Variants in LDLRAD4 observed in about 807,000 individuals in gnomAD.
LDLRAD4 encodes the protein low density lipoprotein receptor class A domain containing 4.
A neutral mutation model predicts 17.0 loss-of-function variants in LDLRAD4; 5 were observed. The ratio of observed to expected loss-of-function variants is 0.29; its 90% CI spans 0.15 to 0.62. The LOEUF (loss-of-function observed/expected upper bound fraction) is 0.62, where lower values mean the gene tolerates loss of function less well. Ranked by LOEUF, LDLRAD4 falls within the 20% of genes least tolerant of loss-of-function variation. The probability of loss-of-function intolerance (pLI) is 0.84; values close to 1 mark genes in which losing one functional copy is unlikely to be tolerated. For synonymous variants in LDLRAD4, 168 were observed against 171.8 expected, an observed-to-expected ratio of 0.98 and a Z score of 0.17; for missense variants, 340 against 424.7, an observed-to-expected ratio of 0.80 and a Z score of 1.75.
At chr18:13,292,669 G>A (rs78065606) in intron 1 of LDLRAD4, among the ~76,000 whole-genome samples, 9 of 152,336 alleles carry the variant, frequency 5.9e-5, no homozygotes, top group East Asian at 5.8e-4. Flanking sequence ...ACCATGAGGC[G>A]TGGAAAGATC....
chr18:13,512,946 T>C (rs1409037613), intron 3 of LDLRAD4, among the ~76,000 whole-genome samples: 2 of 152,228 alleles, frequency 1.3e-5, no homozygotes, highest in Non-Finnish European at 2.9e-5. Flanking sequence ...TCACTGCCTT[T>C]TGGACTTCGG....
intron 2 of LDLRAD4, among the ~76,000 whole-genome samples, chr18:13,433,623 C>T (rs2090477088): frequency 1.3e-5 from 2 of 152,160 alleles, no homozygotes; most frequent in South Asian, 2.1e-4. Flanking sequence ...GAGCATTTAT[C>T]ATTGCATCCT....
intron 3 of LDLRAD4, among the ~76,000 whole-genome samples, chr18:13,591,820 C>G (rs2095033362): frequency 6.6e-6 from 1 of 152,150 alleles, no homozygotes; most frequent in African/African-American, 2.4e-5. Context: ...ATAATGCACA[C>G]TTTTTAATTG....
intron 1 of LDLRAD4, among the ~76,000 whole-genome samples, chr18:13,336,080 A>C (rs374520853): frequency 5.9e-4 from 90 of 152,294 alleles, no homozygotes; most frequent in African/African-American, 2.0e-3. Flanking sequence ...TCACACGGTG[A>C]GAGAGGAAGC....
intron 1 of LDLRAD4, chr18:13,236,307 C>CTTT (rs777785875): frequency 0.019 from 2,207 of 113,286 alleles, 141 homozygotes; most frequent in African/African-American, 0.077. Flanking sequence ...AATAGAAAAA[C>CTTT]TTTTTTTTTT....
chr18:13,511,700 C>A (rs2093781986), intron 3 of LDLRAD4, among the ~76,000 whole-genome samples: 1 of 152,180 alleles, frequency 6.6e-6, no homozygotes, highest in East Asian at 1.9e-4. Context: ...TTGTTTCTGG[C>A]CCCTCAGTAG....
At chr18:13,582,659 T>C (rs2094879197) in intron 3 of LDLRAD4, among the ~76,000 whole-genome samples, 1 of 152,260 alleles carries the variant, frequency 6.6e-6, no homozygotes, top group Non-Finnish European at 1.5e-5. Flanking sequence ...GCTCTGCTCC[T>C]GGGTGGCTCG....
At chr18:13,231,447 C>G (rs1218290098) in intron 1 of LDLRAD4, among the ~76,000 whole-genome samples, 1 of 152,186 alleles carries the variant, frequency 6.6e-6, no homozygotes, top group African/African-American at 2.4e-5. Flanking sequence ...GAGTCTGGTT[C>G]TGGTGTGGAG....
At chr18:13,423,804 A>G (rs1486247177) in intron 2 of LDLRAD4, 1 of 152,306 alleles carries the variant, frequency 6.6e-6, no homozygotes, top group East Asian at 1.9e-4. Flanking sequence ...CGTGTGTATA[A>G]TTTTCACTGT....
At chr18:13,428,709 G>A (rs1256477522) in intron 2 of LDLRAD4, among the ~76,000 whole-genome samples, 1 of 152,134 alleles carries the variant, frequency 6.6e-6, no homozygotes, top group Non-Finnish European at 1.5e-5. Context: ...TGGAGGTGGA[G>A]CCAACAGAGT....
At chr18:13,288,927 C>T (rs1251268031) in intron 1 of LDLRAD4, among the ~76,000 whole-genome samples, 2 of 152,256 alleles carry the variant, frequency 1.3e-5, no homozygotes, top group African/African-American at 4.8e-5. Context: ...GCACTTAAAA[C>T]ACCACCTAGG....
intron 1 of LDLRAD4, among the ~76,000 whole-genome samples, chr18:13,324,050 GAGAAA>G (rs2081384642): frequency 6.6e-6 from 1 of 152,224 alleles, no homozygotes; most frequent in South Asian, 2.1e-4. Flanking sequence ...GGGCAAGAGT[GAGAAA>G]AGAAAGTCAT....
chr18:13,450,847 G>A lies in LDLRAD4; in HGVS notation c.181+12463G>A, dbSNP rs549325259. ...AGTGTCGTGGGGAGACGCCTGGGCA[G>A]GGATGCCACATAGGCTTGTCATGGA... On this transcript the variant is annotated intron_variant, in intron 3 of 5. Coordinates refer to ENST00000359446, the Ensembl canonical transcript of LDLRAD4. 5.9e-5 allele frequency among the ~76,000 whole-genome samples: 9 copies of A among 152,326 alleles called. No individual in the cohort carries two copies. In the South Asian group the frequency reaches 1.4e-3, roughly 25 times the overall value.
chr18:13,438,449 G>A, intron 3 of LDLRAD4, 65 bp downstream of exon 4: 1 of 1,337,490 alleles, frequency 7.5e-7, no homozygotes, highest in South Asian at 1.2e-5. Flanking sequence ...AGGAGGTGGG[G>A]TCACTGGGAC....
intron 1 of LDLRAD4, among the ~76,000 whole-genome samples, chr18:13,231,500 G>A (rs1412941443): frequency 2.6e-5 from 4 of 152,164 alleles, no homozygotes; most frequent in South Asian, 2.1e-4. Flanking sequence ...AACCAGCCAC[G>A]AATGGTAAAG....
At chr18:13,494,637 C>G (rs924727259) in intron 3 of LDLRAD4, among the ~76,000 whole-genome samples, 1 of 19,458 alleles carries the variant, frequency 5.1e-5, no homozygotes, top group Non-Finnish European at 1.4e-4. Flanking sequence ...AATGATTGCA[C>G]CACTGCACTC....
upstream of LDLRAD4, among the ~76,000 whole-genome samples, chr18:13,275,749 A>G (rs959366758): frequency 6.8e-6 from 1 of 147,348 alleles, no homozygotes; most frequent in African/African-American, 2.5e-5. Context: ...TATACCTACT[A>G]TGTGCACACA....
At position 13,621,709 on chromosome 18, in the gene LDLRAD4, G is replaced by A. The variant is rs372943231; in HGVS notation, c.336+438G>A. Among the ~76,000 whole-genome samples the A allele has an allele frequency of 2.6e-5, 4 of 152,210 alleles. No homozygotes were observed. The highest frequency in any genetic ancestry group is 4.4e-5 in the Non-Finnish European group (3 of 68,036). ...AATCACGCGCTCATCGTCACTAAAC[G>A]TGCCGGCAGCACATGGGTGCCATGA... On this transcript the variant is annotated intron_variant, in intron 4 of 5. Transcript: ENST00000359446. This position sits in a 1 kb window ranked among gnomAD's most constrained non-coding sequence, Gnocchi z 5.5.
At chr18:13,565,574 G>A (rs2094589910) in intron 3 of LDLRAD4, among the ~76,000 whole-genome samples, 1 of 152,258 alleles carries the variant, frequency 6.6e-6, no homozygotes, top group South Asian at 2.1e-4. Context: ...GTCTTGGGCT[G>A]TGGAACGAGC....
Sources: gnomAD v4.1 joint callset for allele counts (sites outside exome capture counted in the v4.1 genomes callset) on GRCh38, gnomAD v4.1.1 for gene constraint, Gnocchi (gnomAD v3.1) non-coding constraint, MANE v1.5 for transcripts, NCBI Gene and HGNC (gene_info 2026-07-23, HGNC 2026-07-21) for gene names.